SRGAP3: variants seen among roughly 807,000 people sequenced by gnomAD.
The protein encoded by SRGAP3 is SLIT-ROBO Rho GTPase activating protein 3.
In SRGAP3, 39 loss-of-function variants were observed where a neutral mutation model predicts 121.1. The ratio of observed to expected loss-of-function variants is 0.32; its 90% CI spans 0.25 to 0.42. The LOEUF (loss-of-function observed/expected upper bound fraction) is 0.42. Among genes scored for constraint, SRGAP3 ranks in the 10% least tolerant of loss-of-function variants. The pLI is 1.00. For synonymous variants in SRGAP3, 601 were observed against 570.0 expected, an observed-to-expected ratio of 1.05 and a Z score of -0.77; for missense variants, 1,213 against 1,470.6, an observed-to-expected ratio of 0.82 and a Z score of 2.86.
At chr3:9,138,681 TG>T (rs1394690847) in intron 1 of SRGAP3, among the ~76,000 whole-genome samples, 1 of 152,166 alleles carries the variant, frequency 6.6e-6, no homozygotes, top group Non-Finnish European at 1.5e-5. Flanking sequence ...ATGCCACAAG[TG>T]GAAAATCCCA....
chr3:9,221,336 A>G (rs1057428890), intron 1 of SRGAP3, among the ~76,000 whole-genome samples: 5 of 152,116 alleles, frequency 3.3e-5, no homozygotes, highest in Admixed American at 3.3e-4. Flanking sequence ...TTTGAGACCA[A>G]CCTGGGCAGC....
chr3:9,069,642 T>G (rs756305582), intron 4 of SRGAP3, among the ~76,000 whole-genome samples: 4 of 152,138 alleles, frequency 2.6e-5, no homozygotes, highest in Non-Finnish European at 4.4e-5. Flanking sequence ...CTTGAGGAGA[T>G]GGAGGCTCAA....
intron 5 of SRGAP3, among the ~76,000 whole-genome samples, chr3:9,062,248 T>A (rs1946209813): frequency 1.3e-5 from 2 of 152,102 alleles, no homozygotes; most frequent in Admixed American, 6.5e-5. Flanking sequence ...GATGAGGAAA[T>A]GAGAACTGGA....
chr3:9,322,599 G>A (rs896602464), intron 3 of SRGAP3, among the ~76,000 whole-genome samples: 1 of 151,738 alleles, frequency 6.6e-6, no homozygotes, highest in Admixed American at 6.5e-5. Flanking sequence ...GAACCCTATT[G>A]TGAACTGCAC....
At chr3:9,151,431 G>A (rs889439523) in intron 1 of SRGAP3, among the ~76,000 whole-genome samples, 1 of 152,210 alleles carries the variant, frequency 6.6e-6, no homozygotes, top group Admixed American at 6.5e-5. Context: ...CCAGAGAAGA[G>A]GTTGAACTTT....
chr3:9,215,291 T>A (rs1952578900), intron 1 of SRGAP3, among the ~76,000 whole-genome samples: 1 of 152,184 alleles, frequency 6.6e-6, no homozygotes, highest in Non-Finnish European at 1.5e-5. Context: ...CTGTTCGGCC[T>A]TCAAATCCTG....
intron 8 of SRGAP3, among the ~76,000 whole-genome samples, chr3:9,055,325 A>G (rs1945769055): frequency 6.6e-6 from 1 of 152,116 alleles, no homozygotes; most frequent in South Asian, 2.1e-4. Context: ...CACCTCCCCC[A>G]TGACTGCACT....
chr3:9,009,385 C>T (rs1179475158), intron 18 of SRGAP3, among the ~76,000 whole-genome samples: 1 of 152,160 alleles, frequency 6.6e-6, no homozygotes, highest in Non-Finnish European at 1.5e-5. Context: ...GGGCCGTATT[C>T]TAACTTTCAA....
chr3:9,124,218 G>A (rs1949133368), intron 2 of SRGAP3, among the ~76,000 whole-genome samples: 1 of 152,174 alleles, frequency 6.6e-6, no homozygotes, highest in African/African-American at 2.4e-5. Context: ...GGCAGGGAAA[G>A]AGCCGGGGCA....
intron 3 of SRGAP3, among the ~76,000 whole-genome samples, chr3:9,102,087 G>A (rs567894792): frequency 1.1e-4 from 16 of 152,312 alleles, no homozygotes; most frequent in Non-Finnish European, 2.4e-4. Context: ...CCCATCTCCC[G>A]CAGCCTCACT....
At chr3:9,144,766 G>A (rs950356549) in intron 1 of SRGAP3, among the ~76,000 whole-genome samples, 1 of 152,114 alleles carries the variant, frequency 6.6e-6, no homozygotes, top group African/African-American at 2.4e-5. Context: ...CCAGTCTCAG[G>A]TATGTCTTTT....
intron 1 of SRGAP3, among the ~76,000 whole-genome samples, chr3:9,205,961 T>C (rs572798851): frequency 4.7e-4 from 72 of 152,132 alleles, no homozygotes; most frequent in African/African-American, 1.6e-3. Flanking sequence ...TAGGAGTTGC[T>C]AGGGGGTTGG....
chr3:9,036,380 G>A (rs1393280283), intron 11 of SRGAP3: 2 of 152,218 alleles, frequency 1.3e-5, no homozygotes, highest in Non-Finnish European at 2.9e-5. Context: ...TACTAACAAA[G>A]TTGTCTTTGA....
At chr3:9,071,888 C>T (rs1380589025) in intron 4 of SRGAP3, among the ~76,000 whole-genome samples, 1 of 152,036 alleles carries the variant, frequency 6.6e-6, no homozygotes, top group Non-Finnish European at 1.5e-5. Context: ...GTATAGAAGA[C>T]AGTTGGGGTC....
chr3:9,214,119 CACACACACACACACACACACACAT>C (rs1952536909), intron 1 of SRGAP3, among the ~76,000 whole-genome samples: 1 of 128,262 alleles, frequency 7.8e-6, no homozygotes, highest in African/African-American at 2.8e-5. Flanking sequence ...CCACCTCCAA[CACACACACACACACACACACACAT>C]GCACACACAC....
chr3:9,129,136 C>T (rs375856845), intron 1 of SRGAP3, among the ~76,000 whole-genome samples: 26 of 152,088 alleles, frequency 1.7e-4, no homozygotes, highest in Non-Finnish European at 3.5e-4. Context: ...CTTTATGTTA[C>T]CCAGGCTGGT....
intron 15 of SRGAP3, 87 bp from the exon 16 acceptor site, chr3:9,013,929 C>T (rs1236706194): frequency 1.6e-6 from 2 of 1,256,526 alleles, no homozygotes; most frequent in African/African-American, 1.5e-5. Context: ...CCTATATCAA[C>T]CCACGTGGAT....
At chr3:9,108,275 T>A (rs1948488245) in intron 2 of SRGAP3, among the ~76,000 whole-genome samples, 1 of 152,090 alleles carries the variant, frequency 6.6e-6, no homozygotes, top group Non-Finnish European at 1.5e-5. Flanking sequence ...CGCGTGGTAC[T>A]CATATTTTTA....
intron 1 of SRGAP3, among the ~76,000 whole-genome samples, chr3:9,155,588 T>C (rs2125065011): frequency 6.6e-6 from 1 of 152,312 alleles, no homozygotes; most frequent in East Asian, 1.9e-4. Flanking sequence ...TTTTTATTCA[T>C]TGCCCCGGGT....
Sources: allele counts gnomAD v4.1 joint callset (sites outside exome capture counted in the v4.1 genomes callset), GRCh38; gene constraint gnomAD v4.1.1; transcripts MANE v1.5; gene names NCBI Gene and HGNC (gene_info 2026-07-23, HGNC 2026-07-21).